The following FECH variants were observed in gnomAD, a reference collection of about 807,000 sequenced individuals.
The protein encoded by FECH is ferrochelatase.
In FECH, 40 loss-of-function variants were observed where a neutral mutation model predicts 56.9. The ratio of observed to expected loss-of-function variants is 0.70; its 90% confidence interval spans 0.55 to 0.92. The LOEUF is 0.92. Ranked by LOEUF, FECH falls within the 40% of genes least tolerant of loss-of-function variation. The pLI, the probability that FECH is intolerant of heterozygous loss-of-function variation, is 0.00. For missense variants in FECH, 431 were observed against 529.1 expected (o/e 0.81, Z 1.82); for synonymous variants, 175 against 198.6 (o/e 0.88, Z 1.00).
At chr18:57,570,368 G>A (rs1018835333) in intron 4 of FECH, among the ~76,000 whole-genome samples, 1 of 152,214 alleles carries the variant, frequency 6.6e-6, no homozygotes, top group African/African-American at 2.4e-5. Context: ...ATATGCAGAA[G>A]CACAGTTGAA....
intron 2 of FECH, among the ~76,000 whole-genome samples, chr18:57,579,298 T>TGC (rs2051238862): frequency 7.2e-6 from 1 of 138,926 alleles, no homozygotes; most frequent in African/African-American, 2.8e-5. Flanking sequence ...TATGTGTGTG[T>TGC]GTGTGTGTGT....
intron 1 of FECH, among the ~76,000 whole-genome samples, chr18:57,585,478 C>T (rs1270201728): frequency 1.3e-5 from 2 of 152,216 alleles, no homozygotes; most frequent in East Asian, 3.8e-4. Context: ...TAGTTCAATA[C>T]TTCTTTCAGC....
chr18:57,551,606 A>C (rs529185986), intron 9 of FECH, among the ~76,000 whole-genome samples: 1 of 152,276 alleles, frequency 6.6e-6, no homozygotes, highest in Admixed American at 6.5e-5. Flanking sequence ...CCCCTTCCCC[A>C]TTACCTTCCT....
At position 57,558,474 on chromosome 18, in the gene FECH, T is replaced by C. The variant is rs1016590367; in HGVS notation, c.804+671A>G. Among the ~76,000 whole-genome samples the C allele has an allele frequency of 8.7e-4, 132 of 152,158 alleles. 1 individual carries two copies. The highest frequency in any genetic ancestry group is 2.5e-4 in the Non-Finnish European group (17 of 68,032). Reference sequence around the variant, plus strand: ...CTAACAAGTCCTGAGGACAAAAGCATGGGATTGAGAGCGCTTGTCTGAATG... The same window carrying C: ...CTAACAAGTCCTGAGGACAAAAGCACGGGATTGAGAGCGCTTGTCTGAATG... On this transcript the variant is annotated intron_variant, in intron 7 of 10. Coordinates refer to ENST00000262093, the MANE Select transcript of FECH (RefSeq NM_000140.5).
intron 4 of FECH, among the ~76,000 whole-genome samples, chr18:57,568,638 C>T (rs777107283): frequency 4.6e-5 from 7 of 152,162 alleles, no homozygotes. Flanking sequence ...GAGCCCAAAA[C>T]ACATCACTCA....
rs2050743573 is a variant in FECH at position 57,548,142 on chromosome 18, C to A, written c.*2570G>T. On this transcript the variant is annotated 3_prime_UTR_variant, in exon 11 of 11. Coordinates refer to ENST00000262093, the MANE Select transcript of FECH (RefSeq NM_000140.5). ...TGAAGCACTCCTGTAGTCCCAGCTACTTGGAGGCTGAGGTGGGAGGATCAC... is the reference window on the plus strand; with the variant it reads ...TGAAGCACTCCTGTAGTCCCAGCTAATTGGAGGCTGAGGTGGGAGGATCAC... 1 of 151,638 alleles carries A rather than the reference C, an allele frequency of 6.6e-6. No individual in the cohort carries two copies. The highest frequency in any genetic ancestry group is 1.5e-5 in the Non-Finnish European group (1 of 68,040). The allele number at this position is 151,638 out of a possible 1,614,324, so 9.4% of individuals were successfully genotyped here.
chr18:57,572,513 TAAAA>T (rs57279341), intron 3 of FECH, among the ~76,000 whole-genome samples: 8 of 55,990 alleles, frequency 1.4e-4, no homozygotes, highest in Admixed American at 7.3e-4. Context: ...TATACGTATG[TAAAA>T]AAAAAAAAAA....
intron 5 of FECH, among the ~76,000 whole-genome samples, chr18:57,563,803 T>C (rs773183037): frequency 6.6e-6 from 1 of 152,184 alleles, no homozygotes; most frequent in South Asian, 2.1e-4. Flanking sequence ...TATGCAATTC[T>C]GCATGCTGAG....
intron 2 of FECH, among the ~76,000 whole-genome samples, chr18:57,578,389 G>GGTGGCTCGTGGCTC (rs1450633193): frequency 1.3e-5 from 2 of 152,184 alleles, no homozygotes; most frequent in East Asian, 3.9e-4. Flanking sequence ...GGCCAGGCAC[G>GGTGGCTCGTGGCTC]GTGGCTCGTG....
chr18:57,576,658 G>A (rs1035111293), intron 2 of FECH, among the ~76,000 whole-genome samples: 1 of 152,238 alleles, frequency 6.6e-6, no homozygotes, highest in Non-Finnish European at 1.5e-5. Flanking sequence ...CTTTAAAGGG[G>A]ATGCTACTCT....
intron 6 of FECH, among the ~76,000 whole-genome samples, chr18:57,560,652 A>AAAT (rs958123891): frequency 4.7e-4 from 72 of 152,358 alleles, no homozygotes; most frequent in African/African-American, 1.6e-3. Flanking sequence ...CCCTGCCTCA[A>AAAT]AATAATAATA....
rs79673276 is a variant in FECH, at chr18:57,582,060, A to G, written c.68-1861T>C. Among the ~76,000 whole-genome samples, 18 of 14,886 alleles carry G rather than the reference A, an allele frequency of 1.2e-3. No homozygotes were observed. In the East Asian group the frequency reaches 0.09, roughly 75 times the overall value. The allele number at this position is 14,886 out of a possible 152,430, so 9.8% of individuals were successfully genotyped here. A position where few individuals can be genotyped will look rare whatever the true frequency, so the allele number is the denominator to read the frequency against. On this transcript the variant is annotated intron_variant, in intron 1 of 10. Transcript: ENST00000262093. ...CAAACCAACTCACATCTCCTTTTTTACTAAGTTTAATTCTGAACTTCATCG... is the reference window on the plus strand; with the variant it reads ...CAAACCAACTCACATCTCCTTTTTTGCTAAGTTTAATTCTGAACTTCATCG...
intron 5 of FECH, among the ~76,000 whole-genome samples, chr18:57,563,692 C>T (rs1034347134): frequency 1.3e-5 from 2 of 150,812 alleles, no homozygotes; most frequent in African/African-American, 4.9e-5. Context: ...AAGAAACTGA[C>T]CATTATCCCA....
At chr18:57,568,099 A>C (rs2051042762) in intron 4 of FECH, among the ~76,000 whole-genome samples, 2 of 152,062 alleles carry the variant, frequency 1.3e-5, no homozygotes, top group Non-Finnish European at 2.9e-5. Flanking sequence ...CCTTGAAGCA[A>C]CTCTTGGTGA....
chr18:57,556,167 T>G (rs1483642348), intron 7 of FECH, among the ~76,000 whole-genome samples: 1 of 152,128 alleles, frequency 6.6e-6, no homozygotes, highest in Non-Finnish European at 1.5e-5. Flanking sequence ...ACAAATTATT[T>G]TATGATTATT....
rs567960865 is a variant in FECH, at chr18:57,546,996, G to A, written c.*3716C>T. Among the ~76,000 whole-genome samples, 12 of 151,680 alleles carry A rather than the reference G, an allele frequency of 7.9e-5. No individual in the cohort carries two copies. In the South Asian group the frequency reaches 1.0e-3, roughly 13 times the overall value. ...AAAAAAATTTAAGGAGTGCCCTGCC[G>A]GGTTTCAGACTTGCACAGTGGAGTG... On this transcript the variant is annotated 3_prime_UTR_variant, in exon 11 of 11. Coordinates refer to ENST00000262093, the MANE Select transcript of FECH (RefSeq NM_000140.5).
chr18:57,579,313 G>GTATA (rs1555681608), intron 2 of FECH, among the ~76,000 whole-genome samples: 7 of 143,758 alleles, frequency 4.9e-5, no homozygotes, highest in African/African-American at 1.8e-4. Context: ...GTGTGTGTGT[G>GTATA]TATATATTCA....
At position 57,556,541 on chromosome 18, in the gene FECH, T is replaced by C. The variant is rs139321360; in HGVS notation, c.805-1589A>G. 1.5e-4 allele frequency among the ~76,000 whole-genome samples: 23 copies of C among 152,098 alleles called. No homozygotes were observed. In the East Asian group the frequency reaches 4.4e-3, roughly 29 times the overall value. ...ATGATGCATCACCGCAACCTAATCATGAGAAAACTTCAGACGAACCCAGAT... is the reference window on the plus strand; with the variant it reads ...ATGATGCATCACCGCAACCTAATCACGAGAAAACTTCAGACGAACCCAGAT... On this transcript the variant is annotated intron_variant, in intron 7 of 10. Coordinates refer to ENST00000262093, the MANE Select transcript of FECH (RefSeq NM_000140.5).
chr18:57,563,057 T>G (rs1333989032), intron 5 of FECH, 77 bp from the exon 6 acceptor site: 2 of 1,186,884 alleles, frequency 1.7e-6, no homozygotes, highest in African/African-American at 3.0e-5. Context: ...AAAGGTAGTA[T>G]ATATAAGTTC....
Sources: allele counts gnomAD v4.1 joint callset (sites outside exome capture counted in the v4.1 genomes callset), GRCh38; gene constraint gnomAD v4.1.1; transcripts MANE v1.5; gene names NCBI Gene and HGNC (gene_info 2026-07-23, HGNC 2026-07-21).